Variants in CELF4 observed in about 807,000 individuals in gnomAD.
The protein encoded by CELF4 is CUG-BP- and ETR-3-like factor 4.
A neutral mutation model predicts 59.9 loss-of-function variants in CELF4; 18 were observed. The observed-to-expected ratio is 0.30, with a 90% confidence interval of 0.21 to 0.45. The LOEUF (loss-of-function observed/expected upper bound fraction) is 0.45, where lower values mean the gene tolerates loss of function less well. CELF4 is among the 20% of genes least tolerant of loss of function. The probability of loss-of-function intolerance (pLI) is 1.00; values close to 1 mark genes in which losing one functional copy is unlikely to be tolerated. For missense variants in CELF4, 456 were observed against 689.0 expected (o/e 0.66, Z 3.79); for synonymous variants, 261 against 267.1 (o/e 0.98, Z 0.22).
chr18:37,405,098 C>CA (rs1557414473), intron 2 of CELF4, among the ~76,000 whole-genome samples: 4 of 152,174 alleles, frequency 2.6e-5, no homozygotes, highest in Non-Finnish European at 5.9e-5. Flanking sequence ...CCCAACCCCC[C>CA]CCGTGTCCTT....
At chr18:37,538,731 G>C (rs752714505) in intron 1 of CELF4, among the ~76,000 whole-genome samples, 2 of 152,170 alleles carry the variant, frequency 1.3e-5, no homozygotes, top group Non-Finnish European at 2.9e-5. Flanking sequence ...AGCTGGCCTG[G>C]TGCTTTAGCG....
At chr18:37,261,911 T>C (rs548153943) in intron 10 of CELF4, among the ~76,000 whole-genome samples, 1 of 152,274 alleles carries the variant, frequency 6.6e-6, no homozygotes, top group Admixed American at 6.5e-5. Flanking sequence ...GAGGGGACCA[T>C]GACATAAAGA....
chr18:37,275,356 G>C, intron 3 of CELF4, 113 bp from the exon 4 acceptor site: 1 of 1,260,760 alleles, frequency 7.9e-7, no homozygotes, highest in Non-Finnish European at 1.1e-6. Flanking sequence ...GAGGCGGGGC[G>C]GGGGCTCGGA....
chr18:37,377,863 G>A (rs1232705227), intron 2 of CELF4, among the ~76,000 whole-genome samples: 2 of 152,122 alleles, frequency 1.3e-5, no homozygotes, highest in Non-Finnish European at 2.9e-5. Context: ...GGGCAAGGGC[G>A]GAAAGGGAAG....
chr18:37,266,492 CGGAGTTG>C, intron 9 of CELF4, 34 bp downstream of exon 9: 2 of 1,552,852 alleles, frequency 1.3e-6, no homozygotes, highest in Non-Finnish European at 1.7e-6. Flanking sequence ...GAGAGATAAA[CGGAGTTG>C]GGGAAGGAGC....
chr18:37,286,735 A>C (rs2094818356), intron 3 of CELF4, among the ~76,000 whole-genome samples: 1 of 152,088 alleles, frequency 6.6e-6, no homozygotes, highest in South Asian at 2.1e-4. Flanking sequence ...AGAGAGACTG[A>C]TCTGGCGGCT....
At chr18:37,529,878 A>G (rs1167675887) in intron 1 of CELF4, among the ~76,000 whole-genome samples, 2 of 152,216 alleles carry the variant, frequency 1.3e-5, no homozygotes, top group Non-Finnish European at 2.9e-5. Context: ...GATTCTATGC[A>G]GAGCAATACC....
chr18:37,483,615 T>C (rs1368347744), intron 2 of CELF4, among the ~76,000 whole-genome samples: 2 of 152,242 alleles, frequency 1.3e-5, no homozygotes, highest in Non-Finnish European at 2.9e-5. Context: ...TCTCCCAGTA[T>C]GAAGGATTAG....
intron 2 of CELF4, among the ~76,000 whole-genome samples, chr18:37,440,741 C>G (rs2099710085): frequency 1.3e-5 from 2 of 152,118 alleles, no homozygotes; most frequent in African/African-American, 4.8e-5. Context: ...GTCTTTCTGT[C>G]AACCTATTTA....
intron 2 of CELF4, among the ~76,000 whole-genome samples, chr18:37,429,926 T>C (rs1264802523): frequency 6.6e-6 from 1 of 152,154 alleles, no homozygotes; most frequent in Non-Finnish European, 1.5e-5. Context: ...CCCACTTAGC[T>C]GCTCCAATCC....
In CELF4 at chr18:37,336,464, G is replaced by C. The variant is rs945577415; in HGVS notation, c.370-14583C>G. 2.0e-5 allele frequency among the ~76,000 whole-genome samples: 3 copies of C among 152,290 alleles called. No individual in the cohort carries two copies. In the East Asian group the frequency reaches 5.8e-4, roughly 29 times the overall value. On this transcript the variant is annotated intron_variant, in intron 2 of 12. Coordinates refer to ENST00000420428, the MANE Select transcript of CELF4 (RefSeq NM_020180.4). ...CTCCCAAAGCTGAGATCACATGCAT[G>C]AGCCACCCCATGTGGCCTATCCTGT...
intron 1 of CELF4, among the ~76,000 whole-genome samples, chr18:37,563,861 G>A (rs2099987317): frequency 6.6e-6 from 1 of 152,170 alleles, no homozygotes; most frequent in Non-Finnish European, 1.5e-5. Flanking sequence ...TGCTCTCTGG[G>A]ACTCCAACTA....
intron 1 of CELF4, among the ~76,000 whole-genome samples, chr18:37,543,793 G>A (rs1473125061): frequency 6.6e-6 from 1 of 152,196 alleles, no homozygotes; most frequent in African/African-American, 2.4e-5. Context: ...AAAACAACTG[G>A]TCTTTTCTGG....
intron 2 of CELF4, among the ~76,000 whole-genome samples, chr18:37,343,327 TTCTGTGTGTG>T (rs2098123825): frequency 8.5e-6 from 1 of 117,982 alleles, no homozygotes; most frequent in African/African-American, 3.1e-5. Flanking sequence ...TGGGTGTTGA[TTCTGTGTGTG>T]TGTGTGTGTG....
chr18:37,451,771 G>A (rs552562243), intron 2 of CELF4, among the ~76,000 whole-genome samples: 13 of 152,274 alleles, frequency 8.5e-5, no homozygotes, highest in South Asian at 8.3e-4. Context: ...AAGAAGCCCC[G>A]CTGCTGGTGC....
intron 1 of CELF4, among the ~76,000 whole-genome samples, chr18:37,514,492 G>C (rs1192787094): frequency 6.6e-6 from 1 of 152,100 alleles, no homozygotes; most frequent in Admixed American, 6.5e-5. Flanking sequence ...CCGAGAGCCT[G>C]GTATCTGACC....
At chr18:37,410,215 C>T (rs1037369901) in intron 2 of CELF4, among the ~76,000 whole-genome samples, 8 of 152,236 alleles carry the variant, frequency 5.3e-5, no homozygotes, top group African/African-American at 1.7e-4. Context: ...TTACACAATC[C>T]CTGGCTCCTG....
At chr18:37,263,987 A>G (rs879387067) in intron 10 of CELF4, among the ~76,000 whole-genome samples, 17 of 151,628 alleles carry the variant, frequency 1.1e-4, no homozygotes, top group Middle Eastern at 3.4e-3. Flanking sequence ...GGATTCTTGG[A>G]CCCCACCTCC....
chr18:37,254,093 A>G lies in CELF4; in HGVS notation c.1334-155T>C. On this transcript the variant is annotated intron_variant, in intron 11 of 12. Coordinates refer to ENST00000420428, the MANE Select transcript of CELF4 (RefSeq NM_020180.4). The surrounding 1 kb of genome is among the most constrained non-coding windows in gnomAD (Gnocchi z 5.1). ...CCCGCCCCGGTGCCCGCCCCTCTCC[A>G]GCCCGCGCGCGCGTGCTAGGCCCCT... The G allele has an allele frequency of 2.6e-6, 1 of 385,656 alleles. No individual in the cohort carries two copies. Among genetic ancestry groups the G allele is most frequent in the Non-Finnish European group, 3.9e-6 (1 of 256,292 alleles). The allele number at this position is 385,656 out of a possible 1,614,324, so 23.9% of individuals were successfully genotyped here.
Sources: gnomAD v4.1 joint callset for allele counts (sites outside exome capture counted in the v4.1 genomes callset) on GRCh38, gnomAD v4.1.1 for gene constraint, Gnocchi (gnomAD v3.1) non-coding constraint, MANE v1.5 for transcripts, NCBI Gene and HGNC (gene_info 2026-07-23, HGNC 2026-07-21) for gene names.